AVEN: variants seen among roughly 807,000 people sequenced by gnomAD.
The protein encoded by AVEN is cell death regulator Aven.
A neutral mutation model predicts 38.1 loss-of-function variants in AVEN; 41 were observed. The observed-to-expected ratio is 1.08, with a 90% CI of 0.84 to 1.40. AVEN has a LOEUF of 1.40. Among genes scored for constraint, AVEN ranks in the 40% most tolerant of loss-of-function variants. The pLI is 0.00. For synonymous variants in AVEN, 206 were observed against 171.8 expected (o/e 1.20, Z -1.56); for missense variants, 605 against 438.8 (o/e 1.38, Z -3.38).
At chr15:34,057,893 A>C (rs1320849489) in intron 5 of AVEN, among the ~76,000 whole-genome samples, 2 of 152,222 alleles carry the variant, frequency 1.3e-5, no homozygotes, top group Non-Finnish European at 2.9e-5. Flanking sequence ...AGGTGATGTT[A>C]CCACTGTAAA....
intron 1 of AVEN, chr15:34,018,096 G>A (rs1004672939): frequency 2.0e-5 from 3 of 152,176 alleles, no homozygotes; most frequent in African/African-American, 7.2e-5. Context: ...TTAGAGTACA[G>A]TCATTCTACT....
intron 2 of AVEN, among the ~76,000 whole-genome samples, chr15:33,899,581 T>A (rs140709540): frequency 0.014 from 2,027 of 148,106 alleles, 48 homozygotes; most frequent in African/African-American, 0.048. Flanking sequence ...GCCATTCTCC[T>A]GCTCAGCCTC....
chr15:33,898,711 T>C (rs1009770027), intron 2 of AVEN, among the ~76,000 whole-genome samples: 2 of 152,210 alleles, frequency 1.3e-5, no homozygotes, highest in Non-Finnish European at 2.9e-5. Context: ...TCACAAGGAC[T>C]GAAGTTTAGG....
intron 3 of AVEN, among the ~76,000 whole-genome samples, chr15:33,875,557 C>G (rs1891186393): frequency 6.6e-6 from 1 of 152,058 alleles, no homozygotes; most frequent in Non-Finnish European, 1.5e-5. Flanking sequence ...AACCTAACAC[C>G]AAAAACAGTG....
chr15:34,029,233 G>C (rs1898646881), intron 1 of AVEN, among the ~76,000 whole-genome samples: 1 of 152,052 alleles, frequency 6.6e-6, no homozygotes, highest in Admixed American at 6.6e-5. Context: ...TCTACTTTAA[G>C]TTTACTTCCA....
At chr15:33,984,935 C>A (rs1416878120) in intron 2 of AVEN, among the ~76,000 whole-genome samples, 1 of 152,092 alleles carries the variant, frequency 6.6e-6, no homozygotes, top group Non-Finnish European at 1.5e-5. Flanking sequence ...GATCTACCCT[C>A]AAGAGATGAA....
intron 1 of AVEN, among the ~76,000 whole-genome samples, chr15:34,018,871 T>A (rs931002953): frequency 1.3e-4 from 19 of 147,000 alleles, no homozygotes; most frequent in African/African-American, 5.1e-4. Flanking sequence ...TCAGTGCATT[T>A]ATAATCCTTT....
Position 34,053,178 on chromosome 15 carries a change from C to T in AVEN, n.1637+9744G>A, listed in dbSNP as rs1421662984. On this transcript the variant is annotated intron_variant and non_coding_transcript_variant, in intron 5 of 11. Transcript: ENST00000675287. ...ATCCAGACATGGTGGTGGGTGCCTA[C>T]AGTCCCAGCTACTCAGGAGGCTGAG... Among the ~76,000 whole-genome samples, 3 of 150,260 alleles carry T rather than the reference C, an allele frequency of 2.0e-5. No homozygotes were observed. In the Admixed American group the frequency reaches 2.0e-4, roughly 10 times the overall value.
intron 2 of AVEN, among the ~76,000 whole-genome samples, chr15:33,939,305 T>A (rs1894220346): frequency 6.6e-6 from 1 of 152,194 alleles, no homozygotes; most frequent in Non-Finnish European, 1.5e-5. Context: ...ATTAATTAAT[T>A]ACAATTCATA....
intron 1 of AVEN, among the ~76,000 whole-genome samples, chr15:34,015,423 A>C (rs1226018914): frequency 3.3e-5 from 5 of 152,174 alleles, no homozygotes; most frequent in Non-Finnish European, 7.3e-5. Context: ...CGGAGCTTGC[A>C]GTGAGCCGAG....
intron 2 of AVEN, among the ~76,000 whole-genome samples, chr15:34,070,272 G>A (rs62014672): frequency 6.6e-6 from 1 of 152,052 alleles, no homozygotes; most frequent in Non-Finnish European, 1.5e-5. Flanking sequence ...GGGGATTATG[G>A]GATTACAATT....
At chr15:33,939,447 T>TA (rs1199358607) in intron 2 of AVEN, among the ~76,000 whole-genome samples, 2 of 151,872 alleles carry the variant, frequency 1.3e-5, no homozygotes, top group Non-Finnish European at 2.9e-5. Flanking sequence ...CCTACAGAGG[T>TA]AAAATCTAAA....
the AVEN span, chr15:33,853,419 T>C: frequency 1.5e-5 from 17 of 1,165,170 alleles, no homozygotes; most frequent in African/African-American, 3.1e-5. Flanking sequence ...TTCTCTTTTT[T>C]CTGCATTTTG....
rs188095310 is a variant in AVEN, at chr15:33,884,207, T to C, written c.446-8212A>G. On this transcript the variant is annotated intron_variant, in intron 2 of 5. Transcript: ENST00000306730. ...GTAAAGCTCTTTTTTCCACTGTTTC[T>C]GCTAGGCCTCTTGGCTATCTTGAGT... Among the ~76,000 whole-genome samples the C allele has an allele frequency of 6.6e-4, 100 of 152,294 alleles. 1 individual carries two copies. Among genetic ancestry groups the C allele is most frequent in the Middle Eastern group, 3.4e-3 (1 of 294 alleles).
downstream of AVEN, among the ~76,000 whole-genome samples, chr15:33,861,855 C>A (rs1010530264): frequency 5.9e-5 from 9 of 152,108 alleles, no homozygotes; most frequent in African/African-American, 2.2e-4. Context: ...GAACTCCTGA[C>A]CTCAGGTGAT....
At chr15:34,072,204 G>T (rs1900641386) in intron 1 of AVEN, among the ~76,000 whole-genome samples, 1 of 152,144 alleles carries the variant, frequency 6.6e-6, no homozygotes, top group East Asian at 1.9e-4. Flanking sequence ...AGGAGTTCAA[G>T]GTTACAGTGA....
intron 2 of AVEN, among the ~76,000 whole-genome samples, chr15:33,878,207 T>A (rs1891331725): frequency 6.6e-6 from 1 of 152,210 alleles, no homozygotes; most frequent in South Asian, 2.1e-4. Flanking sequence ...ATTCATTTTT[T>A]AAAATATATG....
At chr15:33,984,383 C>G (rs1338659930) in intron 2 of AVEN, among the ~76,000 whole-genome samples, 1 of 150,252 alleles carries the variant, frequency 6.7e-6, no homozygotes, top group Non-Finnish European at 1.5e-5. Context: ...CTTTCCTCAC[C>G]TGTTAGAATA....
chr15:34,038,725 G>C lies in AVEN; in HGVS notation c.267+55C>G, dbSNP rs1298400568. On this transcript the variant is annotated intron_variant, in intron 1 of 5. Transcript: ENST00000306730. ...TTGCGGCTCTTGACTGGCGGCCTCG[G>C]CCCCACTTGCCCCAGTTACACGCGG... 8.9e-6 allele frequency: 10 copies of C among 1,128,854 alleles called. No homozygotes were observed. The East Asian group carries it at 3.5e-4, about 40-fold the overall frequency. 69.9% of individuals were successfully genotyped at this position (1,128,854 alleles called of 1,614,324 possible).
Sources: gnomAD v4.1 joint callset for allele counts (sites outside exome capture counted in the v4.1 genomes callset) on GRCh38, gnomAD v4.1.1 for gene constraint, MANE v1.5 for transcripts, NCBI Gene and HGNC (gene_info 2026-07-23, HGNC 2026-07-21) for gene names.